Variants in XKR6 observed in about 807,000 individuals in gnomAD.
XKR6 encodes the protein XK-related protein 6.
A neutral mutation model predicts 56.7 loss-of-function variants in XKR6; 22 were observed. The ratio of observed to expected loss-of-function variants is 0.39; its 90% CI spans 0.28 to 0.55. The LOEUF (loss-of-function observed/expected upper bound fraction) is 0.55. Ranked by LOEUF, XKR6 falls within the 20% of genes least tolerant of loss-of-function variation. The pLI, the probability that XKR6 is intolerant of heterozygous loss-of-function variation, is 0.66. For missense variants in XKR6, 852 were observed against 889.0 expected (o/e 0.96, Z 0.53); for synonymous variants, 524 against 387.8 (o/e 1.35, Z -4.13).
chr8:10,967,203 C>G (rs887041548), intron 1 of XKR6, among the ~76,000 whole-genome samples: 2 of 152,238 alleles, frequency 1.3e-5, no homozygotes, highest in African/African-American at 4.8e-5. Context: ...TTCATCTTCT[C>G]TGGGGCTCAG....
intron 1 of XKR6, among the ~76,000 whole-genome samples, chr8:11,059,844 G>C (rs1799786961): frequency 6.6e-6 from 1 of 152,126 alleles, no homozygotes; most frequent in African/African-American, 2.4e-5. Flanking sequence ...GAGTGTTCAG[G>C]ATGAAGGGAG....
At chr8:11,149,092 T>C (rs1801137663) in intron 1 of XKR6, among the ~76,000 whole-genome samples, 1 of 152,118 alleles carries the variant, frequency 6.6e-6, no homozygotes, top group East Asian at 1.9e-4. Context: ...CCCCCAAAAT[T>C]CAGATGTTGA....
At chr8:10,948,834 C>T (rs1801630102) in intron 1 of XKR6, among the ~76,000 whole-genome samples, 1 of 152,232 alleles carries the variant, frequency 6.6e-6, no homozygotes, top group South Asian at 2.1e-4. Flanking sequence ...TGGGGCCTCC[C>T]TGGGAAACAG....
At chr8:10,996,900 C>T in intron 1 of XKR6, among the ~76,000 whole-genome samples, 1 of 152,084 alleles carries the variant, frequency 6.6e-6, no homozygotes, top group Non-Finnish European at 1.5e-5. Flanking sequence ...GCCCAGGAGT[C>T]TAGGGCTGCA....
At chr8:10,939,490 C>T (rs1325039304) in intron 1 of XKR6, among the ~76,000 whole-genome samples, 1 of 152,210 alleles carries the variant, frequency 6.6e-6, no homozygotes, top group Non-Finnish European at 1.5e-5. Context: ...CAAGCCAGCT[C>T]CTGAGAGGGG....
chr8:11,010,028 A>G (rs1484799320), intron 1 of XKR6, among the ~76,000 whole-genome samples: 2 of 152,240 alleles, frequency 1.3e-5, no homozygotes, highest in Non-Finnish European at 2.9e-5. Flanking sequence ...ATTTATAAAG[A>G]AGAGAGGTTT....
intron 1 of XKR6, among the ~76,000 whole-genome samples, chr8:11,141,944 C>T (rs1800721637): frequency 6.6e-6 from 1 of 150,582 alleles, no homozygotes. Context: ...ATAGGGATGT[C>T]ACCAAATTGT....
At position 10,898,433 on chromosome 8, in the gene XKR6, A is replaced by G; in HGVS notation, c.1445T>C (p.Ile482Thr). 1 of 1,614,136 alleles carries G rather than the reference A, an allele frequency of 6.2e-7. No individual in the cohort carries two copies. Among genetic ancestry groups the G allele is most frequent in the South Asian group, 1.1e-5 (1 of 91,076 alleles). ...YAVPALCCVFISFVAGIAMML... is the reference protein window; with the variant it reads ...YAVPALCCVFTSFVAGIAMML... ...CATTGCGATCCCAGCCACAAAGCTA[A>G]TAAAGACACAACACAGTGCTGGCAC... Residue 482 changes from isoleucine to threonine, a missense_variant, in exon 3 of 3, where the codon ATT (isoleucine) becomes ACT (threonine). Physicochemically the swap from Ile to Thr is moderately conservative, Grantham distance 89 (BLOSUM62 -1). Coordinates refer to ENST00000416569, the MANE Select transcript of XKR6 (RefSeq NM_173683.4). The surrounding 1 kb of genome is among the most constrained non-coding windows in gnomAD (Gnocchi z 6.6).
At chr8:11,037,429 T>C (rs1166331736) in intron 1 of XKR6, among the ~76,000 whole-genome samples, 1 of 152,190 alleles carries the variant, frequency 6.6e-6, no homozygotes, top group Non-Finnish European at 1.5e-5. Flanking sequence ...TGTGCCATGT[T>C]GTCCAGGCTG....
Position 11,112,767 on chromosome 8 carries a change from C to T in XKR6, c.764+87809G>A, listed in dbSNP as rs553831787. Among the ~76,000 whole-genome samples, 7 of 152,282 alleles carry T rather than the reference C, an allele frequency of 4.6e-5. 1 individual carries two copies. The South Asian group carries it at 1.0e-3, about 23-fold the overall frequency. On this transcript the variant is annotated intron_variant, in intron 1 of 2. Transcript: ENST00000416569. Reference sequence around the variant, plus strand: ...TAAAATCACTGCTCTCCCAGTCAACCTAATGGGGCCCAGATTTCCATGGCC... The same window carrying T: ...TAAAATCACTGCTCTCCCAGTCAACTTAATGGGGCCCAGATTTCCATGGCC...
At chr8:10,994,694 C>T (rs868490126) in intron 1 of XKR6, among the ~76,000 whole-genome samples, 1 of 152,150 alleles carries the variant, frequency 6.6e-6, no homozygotes, top group Non-Finnish European at 1.5e-5. Flanking sequence ...TCCATTTAAT[C>T]AGCAGAACAG....
intron 1 of XKR6, among the ~76,000 whole-genome samples, chr8:11,127,667 G>T (rs1290462373): frequency 6.6e-6 from 1 of 152,104 alleles, no homozygotes; most frequent in Non-Finnish European, 1.5e-5. Flanking sequence ...GAGGCCCCTT[G>T]TGGCTACATC....
intron 1 of XKR6, among the ~76,000 whole-genome samples, chr8:11,131,222 G>A (rs769293643): frequency 6.6e-6 from 1 of 151,944 alleles, no homozygotes; most frequent in African/African-American, 2.4e-5. Context: ...TAGTTCCCAG[G>A]CTTTTTCTTT....
chr8:10,897,725 A>T lies in XKR6; in HGVS notation c.*227T>A. ...TTTTCTTTTTGTTTTTACTTACAAA[A>T]CATAGAGAATATCTTTGTATACATA... On this transcript the variant is annotated 3_prime_UTR_variant, in exon 3 of 3. Transcript: ENST00000416569. 1 of 455,482 alleles carries T rather than the reference A, an allele frequency of 2.2e-6. No homozygotes were observed. Among genetic ancestry groups the T allele is most frequent in the Non-Finnish European group, 3.7e-6 (1 of 269,824 alleles). 28.2% of individuals were successfully genotyped at this position (455,482 alleles called of 1,614,324 possible).
chr8:10,916,802 CCTT>C (rs1347493432), intron 2 of XKR6, among the ~76,000 whole-genome samples: 9 of 152,178 alleles, frequency 5.9e-5, no homozygotes, highest in South Asian at 2.1e-4. Context: ...ACCGAATTGT[CCTT>C]CTGAGTTGTT....
chr8:11,105,001 G>A (rs1243224826), intron 1 of XKR6: 3 of 152,004 alleles, frequency 2.0e-5, no homozygotes, highest in Non-Finnish European at 2.9e-5. Context: ...TACCACATTC[G>A]GTTTTTAAAA....
At chr8:11,133,388 G>A (rs1038934253) in intron 1 of XKR6, among the ~76,000 whole-genome samples, 1 of 152,094 alleles carries the variant, frequency 6.6e-6, no homozygotes, top group Non-Finnish European at 1.5e-5. Context: ...CTAACTCAGA[G>A]GACCCTGGGG....
intron 1 of XKR6, among the ~76,000 whole-genome samples, chr8:11,093,476 C>G (rs978717223): frequency 6.6e-6 from 1 of 152,196 alleles, no homozygotes; most frequent in Non-Finnish European, 1.5e-5. Context: ...CCCTGCTCCC[C>G]GCACTCCACT....
intron 1 of XKR6, among the ~76,000 whole-genome samples, chr8:11,141,136 A>C (rs1028371915): frequency 1.3e-5 from 2 of 152,218 alleles, no homozygotes; most frequent in Non-Finnish European, 2.9e-5. Context: ...GAACAGATGC[A>C]AAAGACTTTA....
Sources: allele counts gnomAD v4.1 joint callset (sites outside exome capture counted in the v4.1 genomes callset), GRCh38; gene constraint gnomAD v4.1.1; non-coding constraint Gnocchi (gnomAD v3.1); transcripts MANE v1.5; gene names NCBI Gene and HGNC (gene_info 2026-07-23, HGNC 2026-07-21).